Variants in PTPRD observed in about 807,000 individuals in gnomAD.
PTPRD encodes protein tyrosine phosphatase receptor type D, also known as receptor-type tyrosine-protein phosphatase delta.
Under a neutral mutation model 214.5 loss-of-function variants are expected in PTPRD, and 34 were observed. The observed-to-expected ratio is 0.16, with a 90% confidence interval of 0.12 to 0.21. PTPRD has a LOEUF of 0.21. Ranked by LOEUF, PTPRD falls within the 10% of genes least tolerant of loss-of-function variation. The pLI, the probability that PTPRD is intolerant of heterozygous loss-of-function variation, is 1.00. For synonymous variants in PTPRD, 1,128 were observed against 845.7 expected, an observed-to-expected ratio of 1.33 and a Z score of -5.79; for missense variants, 2,545 against 2,398.7, an observed-to-expected ratio of 1.06 and a Z score of -1.27.
chr9:10,435,127 A>G (rs2098708880), intron 2 of PTPRD, among the ~76,000 whole-genome samples: 1 of 151,758 alleles, frequency 6.6e-6, no homozygotes, highest in Admixed American at 6.6e-5. Context: ...TGCTCCAAGG[A>G]CTCGAGGAAG....
chr9:10,239,974 A>C (rs1487167845), intron 3 of PTPRD, among the ~76,000 whole-genome samples: 1 of 151,896 alleles, frequency 6.6e-6, no homozygotes, highest in Non-Finnish European at 1.5e-5. Context: ...ACGATTGGCC[A>C]TTAAGAGATT....
chr9:9,666,168 A>G (rs548372644), intron 7 of PTPRD, among the ~76,000 whole-genome samples: 39 of 152,014 alleles, frequency 2.6e-4, no homozygotes, highest in African/African-American at 9.4e-4. Context: ...AAGCAACTGA[A>G]ACTTTATTTA....
chr9:8,775,401 G>A (rs1224863437), intron 11 of PTPRD, among the ~76,000 whole-genome samples: 1 of 152,084 alleles, frequency 6.6e-6, no homozygotes, highest in Admixed American at 6.5e-5. Flanking sequence ...AATAAACAAG[G>A]ATGGATAACT....
chr9:8,579,854 GGAA>G (rs2092883502), intron 14 of PTPRD, among the ~76,000 whole-genome samples: 1 of 152,144 alleles, frequency 6.6e-6, no homozygotes, highest in Non-Finnish European at 1.5e-5. Flanking sequence ...GTTCATGATG[GGAA>G]GAAAAGCTGG....
At chr9:9,350,119 C>A (rs2050540313) in intron 9 of PTPRD, among the ~76,000 whole-genome samples, 1 of 152,046 alleles carries the variant, frequency 6.6e-6, no homozygotes, top group South Asian at 2.1e-4. Context: ...GTAGAACACC[C>A]AAGTCTTCCT....
At chr9:9,219,837 T>C (rs1356371299) in intron 9 of PTPRD, among the ~76,000 whole-genome samples, 1 of 152,172 alleles carries the variant, frequency 6.6e-6, no homozygotes, top group Non-Finnish European at 1.5e-5. Flanking sequence ...AGTTTTGCAA[T>C]TCTCTGCAGG....
At chr9:9,702,934 G>A (rs141034021) in intron 7 of PTPRD, among the ~76,000 whole-genome samples, 9 of 152,266 alleles carry the variant, frequency 5.9e-5, no homozygotes, top group Non-Finnish European at 1.0e-4. Context: ...ATCTATATAT[G>A]AGTCTAGATC....
intron 5 of PTPRD, among the ~76,000 whole-genome samples, chr9:9,853,737 C>G (rs1452843725): frequency 1.3e-5 from 2 of 151,974 alleles, no homozygotes; most frequent in Admixed American, 1.3e-4. Flanking sequence ...TTAGTAGAGA[C>G]GGGGTTTCAC....
intron 11 of PTPRD, among the ~76,000 whole-genome samples, chr9:8,847,676 T>A (rs1001047973): frequency 4.6e-5 from 7 of 152,212 alleles, no homozygotes; most frequent in Admixed American, 1.3e-4. Flanking sequence ...TTTTATTATT[T>A]ATAAAATCAT....
chr9:9,212,795 C>A (rs1239812555), intron 9 of PTPRD, among the ~76,000 whole-genome samples: 1 of 152,066 alleles, frequency 6.6e-6, no homozygotes, highest in African/African-American at 2.4e-5. Context: ...TTGTGTGACA[C>A]ATTTCAACCA....
intron 39 of PTPRD, among the ~76,000 whole-genome samples, chr9:8,370,083 T>C (rs2081050522): frequency 1.3e-5 from 2 of 152,026 alleles, no homozygotes; most frequent in South Asian, 2.1e-4. Flanking sequence ...TAGGAAAATG[T>C]AATCCATGAC....
At chr9:9,316,509 G>A (rs1464478546) in intron 9 of PTPRD, among the ~76,000 whole-genome samples, 2 of 152,080 alleles carry the variant, frequency 1.3e-5, no homozygotes, top group African/African-American at 4.8e-5. Context: ...AATAAAAAAT[G>A]TTGGACATGA....
At chr9:8,352,776 A>G (rs2075869612) in intron 39 of PTPRD, among the ~76,000 whole-genome samples, 1 of 152,176 alleles carries the variant, frequency 6.6e-6, no homozygotes, top group South Asian at 2.1e-4. Context: ...AGATTTTACT[A>G]TGTACACAAA....
At chr9:9,815,427 G>C (rs1456724239) in intron 5 of PTPRD, among the ~76,000 whole-genome samples, 5 of 152,078 alleles carry the variant, frequency 3.3e-5, no homozygotes, top group Non-Finnish European at 5.9e-5. Flanking sequence ...AGGAAACGTA[G>C]AGAAAAGTCT....
chr9:9,247,603 C>T (rs904620104), intron 9 of PTPRD, among the ~76,000 whole-genome samples: 2 of 152,026 alleles, frequency 1.3e-5, no homozygotes, highest in African/African-American at 4.8e-5. Context: ...CATCTTTCTT[C>T]TCAGAATTTT....
rs141513344 is a variant in PTPRD, at chr9:8,500,870, T to C, written c.2012A>G (p.Lys671Arg). 42 of 1,614,112 alleles carry C rather than the reference T, an allele frequency of 2.6e-5. No individual in the cohort carries two copies. The African/African-American group carries it at 3.7e-4, about 14-fold the overall frequency. The change falls in exon 24 of 46, where the codon AAA becomes AGA. Residue 671 changes from lysine (K) to arginine (R), a missense_variant. Lys to Arg is a conservative substitution (Grantham distance 26, BLOSUM62 2). Coordinates refer to ENST00000381196, the MANE Select transcript of PTPRD (RefSeq NM_002839.4). ...EILGIPSDTT[K>R]YLLEQLEKWT... is the part of the protein sequence containing the mutation. ...TTTTTCCAGCTGTTCCAAAAGGTAT[T>C]TGGTAGTGTCCGAAGGAATTCCCAA...
At chr9:8,687,559 T>A (rs1424417095) in intron 12 of PTPRD, among the ~76,000 whole-genome samples, 2 of 152,220 alleles carry the variant, frequency 1.3e-5, no homozygotes, top group Non-Finnish European at 2.9e-5. Flanking sequence ...TGACTGAAGT[T>A]ACAGCCAAGG....
rs755601571 is a variant in PTPRD, at chr9:10,094,096, T to TA, written c.-544-60307dup. 2.3e-4 allele frequency among the ~76,000 whole-genome samples: 35 copies of TA among 151,322 alleles called. 1 individual carries two copies. Among genetic ancestry groups the TA allele is most frequent in the Non-Finnish European group, 4.4e-4 (30 of 67,586 alleles). ...TACCTGTTGAATCCAAAATCAACGT[T>TA]AAAAATAAAATAAAATAAAATATAT... is the stretch of plus-strand genomic sequence containing the variant. On this transcript the variant is annotated intron_variant, in intron 3 of 45. Transcript: ENST00000381196.
At chr9:10,285,847 G>A (rs10959024) in intron 3 of PTPRD, among the ~76,000 whole-genome samples, 10,075 of 151,890 alleles carry the variant, frequency 0.066, 501 homozygotes, top group East Asian at 0.16. Flanking sequence ...CTGACCTCGC[G>A]ATCCGCCCGC....
Sources: gnomAD v4.1 joint callset for allele counts (sites outside exome capture counted in the v4.1 genomes callset) on GRCh38, gnomAD v4.1.1 for gene constraint, MANE v1.5 for transcripts, NCBI Gene and HGNC (gene_info 2026-07-23, HGNC 2026-07-21) for gene names.